TRDN: variants seen among roughly 807,000 people sequenced by gnomAD.
The protein encoded by TRDN is triadin, also known as triadin in skeletal muscle.
Under a neutral mutation model 149.7 loss-of-function variants are expected in TRDN, and 161 were observed. That is an observed-to-expected ratio of 1.08 (90% CI 0.95 to 1.23). TRDN has a LOEUF of 1.23. Ranked by LOEUF, TRDN falls within the 50% of genes most tolerant of loss-of-function variation. The probability of loss-of-function intolerance (pLI) is 0.00; values close to 1 mark genes in which losing one functional copy is unlikely to be tolerated. For synonymous variants in TRDN, 294 were observed against 250.5 expected, an observed-to-expected ratio of 1.17 and a Z score of -1.64; for missense variants, 896 against 823.5, an observed-to-expected ratio of 1.09 and a Z score of -1.08.
intron 9 of TRDN, among the ~76,000 whole-genome samples, chr6:123,467,021 A>T (rs1440636846): frequency 6.6e-6 from 1 of 152,102 alleles, no homozygotes; most frequent in African/African-American, 2.4e-5. Flanking sequence ...GATTTATCTG[A>T]AGGAAATATA....
At chr6:123,580,886 A>G (rs1783089600) in intron 1 of TRDN, among the ~76,000 whole-genome samples, 2 of 152,204 alleles carry the variant, frequency 1.3e-5, no homozygotes, top group South Asian at 4.1e-4. Flanking sequence ...TTATTAGATT[A>G]TGATACTTTT....
intron 5 of TRDN, chr6:123,529,100 C>T: frequency 1.4e-6 from 2 of 1,462,786 alleles, no homozygotes; most frequent in Non-Finnish European, 1.8e-6. Flanking sequence ...GCAAATGGTG[C>T]CATCTACATT....
At chr6:123,418,850 T>A (rs367692289) in intron 12 of TRDN, among the ~76,000 whole-genome samples, 12 of 152,242 alleles carry the variant, frequency 7.9e-5, no homozygotes, top group African/African-American at 2.6e-4. Flanking sequence ...CTGCTTTTTT[T>A]ATGAGCCTTG....
intron 12 of TRDN, among the ~76,000 whole-genome samples, chr6:123,420,373 G>C (rs62419022): frequency 0.19 from 24,029 of 127,688 alleles, 2,011 homozygotes; most frequent in South Asian, 0.29. Context: ...TTTCCTGGCA[G>C]AGATGCAAGG....
chr6:123,221,345 C>T (rs772044751), intron 40 of TRDN, 142 bp downstream of exon 40: 2 of 425,734 alleles, frequency 4.7e-6, no homozygotes, highest in South Asian at 4.8e-5. Flanking sequence ...ATATAAATGA[C>T]CTACTTTAAT....
chr6:123,275,959 C>T (rs1277473514), intron 26 of TRDN, among the ~76,000 whole-genome samples: 1 of 152,054 alleles, frequency 6.6e-6, no homozygotes, highest in Admixed American at 6.6e-5. Context: ...CAGGTTTGGT[C>T]TCTGGTTTGG....
At chr6:123,464,637 C>A (rs774669959) in intron 10 of TRDN, 11 of 1,193,240 alleles carry the variant, frequency 9.2e-6, no homozygotes, top group Non-Finnish European at 1.2e-5. Flanking sequence ...ATCTATTTGT[C>A]CCTATATTTT....
intron 15 of TRDN, among the ~76,000 whole-genome samples, 152 bp downstream of exon 15, chr6:123,381,966 T>G (rs934883307): frequency 6.6e-6 from 1 of 151,338 alleles, no homozygotes; most frequent in Non-Finnish European, 1.5e-5. Context: ...GCTCTCTCTC[T>G]CTCTCTCTCT....
chr6:123,234,461 A>C (rs1180185819), intron 38 of TRDN, among the ~76,000 whole-genome samples: 1 of 152,110 alleles, frequency 6.6e-6, no homozygotes, highest in Non-Finnish European at 1.5e-5. Flanking sequence ...TTAGTTGAGA[A>C]TGGTTTTGCT....
At chr6:123,313,909 A>C (rs532055432) in intron 24 of TRDN, among the ~76,000 whole-genome samples, 3 of 152,128 alleles carry the variant, frequency 2.0e-5, no homozygotes, top group Non-Finnish European at 4.4e-5. Context: ...AAGACAACAG[A>C]GGCAATACCA....
At chr6:123,250,263 G>A (rs1776327538) in intron 38 of TRDN, among the ~76,000 whole-genome samples, 1 of 151,990 alleles carries the variant, frequency 6.6e-6, no homozygotes, top group Non-Finnish European at 1.5e-5. Flanking sequence ...CTAGACAAGA[G>A]GTGCAGGCAC....
chr6:123,300,876 C>T (rs1408479088), intron 24 of TRDN, among the ~76,000 whole-genome samples: 2 of 151,550 alleles, frequency 1.3e-5, no homozygotes, highest in Non-Finnish European at 2.9e-5. Flanking sequence ...AAATATCTTA[C>T]CATTATGTCC....
chr6:123,622,071 C>T (rs1785412111), intron 1 of TRDN, among the ~76,000 whole-genome samples: 1 of 152,072 alleles, frequency 6.6e-6, no homozygotes, highest in African/African-American at 2.4e-5. Flanking sequence ...TCTCTGGCCT[C>T]CCCTTCCAAC....
At chr6:123,321,431 G>T (rs190057389) in intron 23 of TRDN, among the ~76,000 whole-genome samples, 70 of 151,918 alleles carry the variant, frequency 4.6e-4, no homozygotes, top group African/African-American at 1.4e-3. Context: ...CAAACCCATG[G>T]TTTTTCCATC....
intron 1 of TRDN, among the ~76,000 whole-genome samples, chr6:123,576,111 C>A (rs911920082): frequency 1.3e-5 from 2 of 152,036 alleles, no homozygotes; most frequent in African/African-American, 4.8e-5. Flanking sequence ...ATGTGTTATT[C>A]CCAAATTACT....
chr6:123,412,186 C>T (rs766143762), intron 12 of TRDN, among the ~76,000 whole-genome samples: 2 of 152,094 alleles, frequency 1.3e-5, no homozygotes, highest in Admixed American at 6.5e-5. Flanking sequence ...GAACACAGGA[C>T]CTGAACCTTG....
At chr6:123,552,133 G>A (rs1781427949) in intron 2 of TRDN, among the ~76,000 whole-genome samples, 1 of 152,066 alleles carries the variant, frequency 6.6e-6, no homozygotes. Context: ...GTTTCTCAGT[G>A]TTCAAGTCAT....
chr6:123,514,112 C>T (rs975551112), intron 6 of TRDN, among the ~76,000 whole-genome samples: 1 of 152,116 alleles, frequency 6.6e-6, no homozygotes, highest in African/African-American at 2.4e-5. Flanking sequence ...CACCTGTAAT[C>T]CCAGCACTTT....
intron 14 of TRDN, among the ~76,000 whole-genome samples, chr6:123,387,716 A>G (rs537604079): frequency 3.3e-5 from 5 of 152,296 alleles, no homozygotes; most frequent in African/African-American, 1.2e-4. Context: ...AGTAAGACCA[A>G]CATGAGGTCA....
Sources: allele counts gnomAD v4.1 joint callset (sites outside exome capture counted in the v4.1 genomes callset), GRCh38; gene constraint gnomAD v4.1.1; transcripts MANE v1.5; gene names NCBI Gene and HGNC (gene_info 2026-07-23, HGNC 2026-07-21).